Variants in RFX4 observed in about 807,000 individuals in gnomAD.
RFX4 encodes regulatory factor X4, also known as transcription factor RFX4.
A neutral mutation model predicts 95.0 loss-of-function variants in RFX4; 10 were observed. The ratio of observed to expected loss-of-function variants is 0.11; its 90% CI spans 0.06 to 0.18. RFX4 has a LOEUF of 0.18. RFX4 is among the 10% of genes least tolerant of loss of function. The pLI is 1.00. For missense variants in RFX4, 640 were observed against 922.0 expected (o/e 0.69, Z 3.96); for synonymous variants, 321 against 340.7 (o/e 0.94, Z 0.64).
intron 16 of RFX4, among the ~76,000 whole-genome samples, chr12:106,750,242 C>A (rs1023707092): frequency 3.9e-5 from 6 of 151,984 alleles, no homozygotes; most frequent in African/African-American, 1.5e-4. Context: ...TTGGGGAGGC[C>A]AAGGTGGGTG....
intron 3 of RFX4, among the ~76,000 whole-genome samples, chr12:106,647,678 A>C (rs7297785): frequency 0.3 from 44,859 of 151,878 alleles, 7,082 homozygotes; most frequent in African/African-American, 0.41. Flanking sequence ...GATCCCTGCC[A>C]TCAAAGGACT....
chr12:106,664,838 G>C (rs78602688), intron 4 of RFX4, among the ~76,000 whole-genome samples: 290 of 151,774 alleles, frequency 1.9e-3, no homozygotes, highest in Non-Finnish European at 3.5e-3. Context: ...CACATTCAAG[G>C]ATTTTCTAGT....
chr12:106,687,173 C>G (rs2041673787), intron 6 of RFX4, 76 bp downstream of exon 6: 1 of 789,102 alleles, frequency 1.3e-6, no homozygotes, highest in Non-Finnish European at 2.0e-6. Context: ...CTCTATCTCT[C>G]TCTCTCTCTC....
intron 5 of RFX4, chr12:106,684,923 G>T (rs1303584558): frequency 6.2e-7 from 1 of 1,613,578 alleles, no homozygotes; most frequent in East Asian, 2.2e-5. Context: ...CAGGAGTAAA[G>T]GAGGGTTGGG....
chr12:106,654,691 G>A (rs1287447608), intron 4 of RFX4, among the ~76,000 whole-genome samples: 3 of 152,190 alleles, frequency 2.0e-5, no homozygotes, highest in Non-Finnish European at 4.4e-5. Context: ...TTAGTCATGT[G>A]GATGCCTGGA....
intron 4 of RFX4, among the ~76,000 whole-genome samples, chr12:106,658,600 G>C (rs2041007986): frequency 6.6e-6 from 1 of 152,126 alleles, no homozygotes; most frequent in South Asian, 2.1e-4. Context: ...GCTCCTCCAG[G>C]GTTGGGGTTG....
chr12:106,746,702 A>G (rs191961928), intron 15 of RFX4, among the ~76,000 whole-genome samples: 1 of 152,314 alleles, frequency 6.6e-6, no homozygotes, highest in East Asian at 1.9e-4. Context: ...CTGTCTAATA[A>G]TCTTCAAAAA....
chr12:106,652,116 C>G (rs1423160824), intron 3 of RFX4, among the ~76,000 whole-genome samples: 2 of 152,134 alleles, frequency 1.3e-5, no homozygotes, highest in Non-Finnish European at 2.9e-5. Flanking sequence ...TATGTGAAAC[C>G]CTTTTCCCAC....
In RFX4 at chr12:106,600,816, C is replaced by A. The variant is rs367958744; in HGVS notation, c.44-7981C>A. 2.4e-4 allele frequency among the ~76,000 whole-genome samples: 37 copies of A among 152,302 alleles called. No homozygotes were observed. In the East Asian group the frequency reaches 6.8e-3, roughly 28 times the overall value. The stretch of plus-strand genomic sequence containing the variant: ...GCCCACCCAGGCCCTTGCACTCCAA[C>A]ATCACCTCCTCAGAGAGGCCTTCAG... On this transcript the variant is annotated intron_variant, in intron 1 of 17. Coordinates refer to ENST00000392842, the MANE Select transcript of RFX4 (RefSeq NM_213594.3).
At chr12:106,711,398 A>G in intron 9 of RFX4, 55 bp from the exon 10 acceptor site, 5 of 1,534,932 alleles carry the variant, frequency 3.3e-6, no homozygotes, top group Non-Finnish European at 4.5e-6. Context: ...TGGAAAATCC[A>G]AGTTAGAATC....
At chr12:106,658,685 A>G (rs2041010149) in intron 4 of RFX4, among the ~76,000 whole-genome samples, 1 of 152,110 alleles carries the variant, frequency 6.6e-6, no homozygotes, top group African/African-American at 2.4e-5. Flanking sequence ...TCCTAGCTAT[A>G]AGTGCCTTCT....
intron 8 of RFX4, 70 bp from the exon 9 acceptor site, chr12:106,709,260 C>A: frequency 1.6e-6 from 2 of 1,238,424 alleles, no homozygotes; most frequent in African/African-American, 1.5e-5. Flanking sequence ...GGAAATAAAA[C>A]CCTCTAGGGG....
At chr12:106,722,477 C>G (rs529116399) in intron 13 of RFX4, among the ~76,000 whole-genome samples, 1 of 152,260 alleles carries the variant, frequency 6.6e-6, no homozygotes, top group East Asian at 1.9e-4. Context: ...AAAGCTTGAG[C>G]AGGAGAATGA....
chr12:106,708,642 C>T (rs577538282), intron 8 of RFX4, among the ~76,000 whole-genome samples: 29 of 152,132 alleles, frequency 1.9e-4, no homozygotes, highest in Middle Eastern at 3.4e-3. Flanking sequence ...AGGAGGACTT[C>T]GTGGAGGAGA....
At chr12:106,721,353 T>C (rs556291790) in intron 13 of RFX4, among the ~76,000 whole-genome samples, 9 of 152,212 alleles carry the variant, frequency 5.9e-5, no homozygotes, top group Non-Finnish European at 1.2e-4. Flanking sequence ...AAAGAGGGCA[T>C]TTGCATTCAC....
chr12:106,592,101 AG>A (rs1399592178), intron 1 of RFX4, among the ~76,000 whole-genome samples: 1 of 152,188 alleles, frequency 6.6e-6, no homozygotes, highest in Admixed American at 6.5e-5. Flanking sequence ...GACTCCTAAA[AG>A]TTGCTCGGTA....
chr12:106,673,445 C>T (rs1269208179), intron 4 of RFX4, among the ~76,000 whole-genome samples: 5 of 152,208 alleles, frequency 3.3e-5, no homozygotes, highest in African/African-American at 4.8e-5. Context: ...GATCCTGCTA[C>T]GAGCCTGTGA....
intron 4 of RFX4, among the ~76,000 whole-genome samples, chr12:106,662,611 G>A (rs967246666): frequency 3.3e-5 from 5 of 152,024 alleles, no homozygotes; most frequent in Non-Finnish European, 5.9e-5. Flanking sequence ...TGTGCCTTTG[G>A]TGTTTTATCT....
chr12:106,711,456 C>G lies in RFX4; in HGVS notation c.938C>G (p.Ser313Trp). 6.2e-7 allele frequency: 1 copy of G among 1,613,248 alleles called. No homozygotes were observed. Among genetic ancestry groups the G allele is most frequent in the Admixed American group, 1.7e-5 (1 of 60,012 alleles). The stretch of plus-strand genomic sequence containing the variant: ...ACTAATTCTTTTCTCCTTGCAGTGT[C>G]GAGAAGGTTCTCCCAAATTCTGAGA... ...ENLRNIKFEL[S>W]RRFSQILRRQ... Residue 313 changes from serine to tryptophan, a missense_variant, in exon 10 of 18, where the codon TCG becomes TGG. Coordinates refer to ENST00000392842, the MANE Select transcript of RFX4 (RefSeq NM_213594.3).
Sources: gnomAD v4.1 joint callset for allele counts (sites outside exome capture counted in the v4.1 genomes callset) on GRCh38, gnomAD v4.1.1 for gene constraint, MANE v1.5 for transcripts, NCBI Gene and HGNC (gene_info 2026-07-23, HGNC 2026-07-21) for gene names.